The following TAFA1 variants were observed in gnomAD, a reference collection of about 807,000 sequenced individuals.
TAFA1 encodes the protein TAFA chemokine like family member 1.
Under a neutral mutation model 18.5 loss-of-function variants are expected in TAFA1, and 4 were observed. The ratio of observed to expected loss-of-function variants is 0.22; its 90% CI spans 0.11 to 0.49. TAFA1 has a LOEUF of 0.49. TAFA1 is among the 20% of genes least tolerant of loss of function. TAFA1 has a pLI of 0.98. For missense variants in TAFA1, 147 were observed against 169.0 expected, an observed-to-expected ratio of 0.87 and a Z score of 0.72; for synonymous variants, 56 against 55.2, an observed-to-expected ratio of 1.01 and a Z score of -0.06.
At chr3:68,424,913 T>A (rs2106819458) in intron 3 of TAFA1, among the ~76,000 whole-genome samples, 1 of 152,132 alleles carries the variant, frequency 6.6e-6, no homozygotes, top group South Asian at 2.1e-4. Context: ...GGGGCCATGA[T>A]GCTGTAGAGT....
At chr3:68,509,665 A>C (rs890600773) in intron 3 of TAFA1, among the ~76,000 whole-genome samples, 1 of 152,158 alleles carries the variant, frequency 6.6e-6, no homozygotes, top group Non-Finnish European at 1.5e-5. Flanking sequence ...TGAAAGGGTA[A>C]CATATCCTGT....
chr3:68,293,025 A>G (rs879457610), intron 2 of TAFA1, among the ~76,000 whole-genome samples: 16 of 142,018 alleles, frequency 1.1e-4, no homozygotes, highest in Admixed American at 2.2e-4. Flanking sequence ...TTAGACTGTT[A>G]GTATAAAAGG....
At chr3:68,299,008 T>C (rs111595790) in intron 2 of TAFA1, among the ~76,000 whole-genome samples, 9 of 152,282 alleles carry the variant, frequency 5.9e-5, no homozygotes, top group African/African-American at 1.9e-4. Context: ...GACAGGAAGA[T>C]GTGGGAAAGT....
chr3:68,258,955 G>A (rs1266707751), intron 2 of TAFA1, among the ~76,000 whole-genome samples: 3 of 152,180 alleles, frequency 2.0e-5, no homozygotes, highest in Admixed American at 2.0e-4. Flanking sequence ...GATCAAGAGT[G>A]CCCACGCAGT....
chr3:68,354,440 T>C (rs1575800178), intron 2 of TAFA1, among the ~76,000 whole-genome samples: 1 of 151,752 alleles, frequency 6.6e-6, no homozygotes, highest in Non-Finnish European at 1.5e-5. Flanking sequence ...TTCCCCAATC[T>C]CCGCTACTCT....
At chr3:68,026,233 G>A (rs1335349714) in intron 2 of TAFA1, among the ~76,000 whole-genome samples, 1 of 151,942 alleles carries the variant, frequency 6.6e-6, no homozygotes, top group Admixed American at 6.6e-5. Context: ...GTGAGGGCAG[G>A]GGTTGGCCCA....
intron 2 of TAFA1, among the ~76,000 whole-genome samples, chr3:68,313,371 G>T (rs780808574): frequency 1.3e-5 from 2 of 151,960 alleles, no homozygotes; most frequent in Non-Finnish European, 2.9e-5. Flanking sequence ...ATGCTAGATA[G>T]GTGCAGTCTT....
At chr3:68,005,033 T>A (rs1704333957) in intron 1 of TAFA1, among the ~76,000 whole-genome samples, 2 of 152,086 alleles carry the variant, frequency 1.3e-5, no homozygotes. Context: ...GTGGCAGGAT[T>A]TTTTTTTCAA....
chr3:68,500,385 G>C (rs767848070), intron 3 of TAFA1, among the ~76,000 whole-genome samples: 1 of 152,044 alleles, frequency 6.6e-6, no homozygotes, highest in Non-Finnish European at 1.5e-5. Context: ...CAAATTCTTT[G>C]TTTTTAGACT....
At chr3:68,535,205 A>T (rs547583589) in intron 3 of TAFA1, among the ~76,000 whole-genome samples, 2 of 152,288 alleles carry the variant, frequency 1.3e-5, no homozygotes, top group Admixed American at 6.5e-5. Flanking sequence ...TTTGTGTCTT[A>T]TGTAACTGAA....
chr3:68,222,616 C>T (rs1378957754), intron 2 of TAFA1, among the ~76,000 whole-genome samples: 1 of 152,140 alleles, frequency 6.6e-6, no homozygotes, highest in Non-Finnish European at 1.5e-5. Context: ...AATGGAGGAT[C>T]ATCAACCATA....
At chr3:68,236,784 C>G (rs941213249) in intron 2 of TAFA1, among the ~76,000 whole-genome samples, 3 of 152,206 alleles carry the variant, frequency 2.0e-5, no homozygotes, top group Non-Finnish European at 4.4e-5. Flanking sequence ...GAAGTCATCA[C>G]TGAAACTGCT....
intron 2 of TAFA1, among the ~76,000 whole-genome samples, chr3:68,104,213 G>T (rs926661530): frequency 2.6e-5 from 4 of 152,162 alleles, no homozygotes; most frequent in Admixed American, 2.6e-4. Flanking sequence ...ATTAATATGG[G>T]TCTATTGTGT....
chr3:68,069,495 G>A (rs2064724949), intron 2 of TAFA1, among the ~76,000 whole-genome samples: 1 of 152,050 alleles, frequency 6.6e-6, no homozygotes, highest in African/African-American at 2.4e-5. Flanking sequence ...AGTTCAAGAG[G>A]ACATTTGGGT....
chr3:68,150,829 C>A (rs2065798398), intron 2 of TAFA1, among the ~76,000 whole-genome samples: 1 of 152,024 alleles, frequency 6.6e-6, no homozygotes, highest in African/African-American at 2.4e-5. Flanking sequence ...AAAACAAGAT[C>A]TTCAGTAAAA....
intron 3 of TAFA1, among the ~76,000 whole-genome samples, chr3:68,499,096 G>A (rs564232537): frequency 1.3e-5 from 2 of 151,970 alleles, no homozygotes; most frequent in Non-Finnish European, 2.9e-5. Flanking sequence ...AAAGAGATAC[G>A]ATTTTTCCTT....
intron 3 of TAFA1, among the ~76,000 whole-genome samples, chr3:68,423,558 C>T (rs990096197): frequency 2.0e-5 from 3 of 152,096 alleles, no homozygotes; most frequent in African/African-American, 7.2e-5. Context: ...ACACCCAGTT[C>T]ATTGGGCAAT....
chr3:68,458,974 A>C (rs2071721625), intron 3 of TAFA1, among the ~76,000 whole-genome samples: 1 of 152,182 alleles, frequency 6.6e-6, no homozygotes, highest in South Asian at 2.1e-4. Context: ...CAGGGCAAGG[A>C]AACAGCAATC....
chr3:68,277,013 A>G (rs1168734370), intron 2 of TAFA1, among the ~76,000 whole-genome samples: 2 of 152,306 alleles, frequency 1.3e-5, no homozygotes, highest in East Asian at 3.9e-4. Context: ...AGAGATAAGT[A>G]TGTACATTAT....
Sources: gnomAD v4.1 joint callset for allele counts (sites outside exome capture counted in the v4.1 genomes callset) on GRCh38, gnomAD v4.1.1 for gene constraint, MANE v1.5 for transcripts, NCBI Gene and HGNC (gene_info 2026-07-23, HGNC 2026-07-21) for gene names.